SNRPN: variants seen among roughly 807,000 people sequenced by gnomAD.
SNRPN encodes the protein small nuclear ribonucleoprotein-associated protein N.
Under a neutral mutation model 25.2 loss-of-function variants are expected in SNRPN, and 7 were observed. The ratio of observed to expected loss-of-function variants is 0.28; its 90% confidence interval spans 0.16 to 0.52. The LOEUF (loss-of-function observed/expected upper bound fraction) is 0.52. SNRPN is among the 20% of genes least tolerant of loss of function. The pLI, the probability that SNRPN is intolerant of heterozygous loss-of-function variation, is 0.96. For missense variants in SNRPN, 196 were observed against 322.5 expected (o/e 0.61, Z 3.00); for synonymous variants, 124 against 110.6 (o/e 1.12, Z -0.76).
intron 1 of SNRPN, among the ~76,000 whole-genome samples, chr15:24,868,009 G>A (rs780782873): frequency 6.7e-4 from 101 of 151,452 alleles, no homozygotes; most frequent in Middle Eastern, 6.8e-3. Context: ...TCATATTTTA[G>A]TTGATATAAC....
chr15:24,945,060 A>G (rs2061790304), intron 3 of SNRPN, among the ~76,000 whole-genome samples: 1 of 152,160 alleles, frequency 6.6e-6, no homozygotes, highest in Admixed American at 6.5e-5. Context: ...GTTTGACCAA[A>G]TATCTGGGTA....
At chr15:24,950,502 A>C (rs1449501420), upstream of SNRPN, among the ~76,000 whole-genome samples, 2 of 151,330 alleles carry the variant, frequency 1.3e-5, no homozygotes. Context: ...GCTGCTATGA[A>C]AATGCATATA....
At position 24,825,968 on chromosome 15, in the gene SNRPN, G is replaced by T. The variant is rs572246284; in HGVS notation, c.-687+2118G>T. ...GGAAATTCAGGTTTGGGTCAAGGGG[G>T]AGGGGTTCAACCTACTTATACATAT... On this transcript the variant is annotated intron_variant, in intron 1 of 12. Coordinates refer to the SNRPN transcript ENST00000400100. 1.3e-4 allele frequency among the ~76,000 whole-genome samples: 20 copies of T among 152,150 alleles called. 1 individual carries two copies. Among genetic ancestry groups the T allele is most frequent in the African/African-American group, 4.6e-4 (19 of 41,460 alleles).
upstream of SNRPN, among the ~76,000 whole-genome samples, chr15:24,951,571 G>C (rs1165616895): frequency 6.6e-6 from 1 of 151,264 alleles, no homozygotes; most frequent in East Asian, 1.9e-4. Flanking sequence ...GCAGTGGCGT[G>C]ATCTGGGCTT....
In SNRPN at chr15:24,964,279, C is replaced by T. The variant is rs190857450; in HGVS notation, c.-295+2070C>T. Among the ~76,000 whole-genome samples the T allele has an allele frequency of 5.9e-5, 9 of 151,952 alleles. No homozygotes were observed. In the East Asian group the frequency reaches 9.7e-4, roughly 16 times the overall value. On this transcript the variant is annotated intron_variant, in intron 2 of 9. Transcript: ENST00000390687. The stretch of plus-strand genomic sequence containing the variant: ...TGTCCTTTATATATAATAGGTTATT[C>T]GATCATTCATTTTATTTGATATGAA...
chr15:24,902,828 G>C (rs1192163931), intron 2 of SNRPN, among the ~76,000 whole-genome samples: 1 of 152,206 alleles, frequency 6.6e-6, no homozygotes, highest in African/African-American at 2.4e-5. Context: ...TGGACCCAAA[G>C]AGTGAGCAGC....
At chr15:24,956,458 G>C in intron 1 of SNRPN, among the ~76,000 whole-genome samples, 1 of 152,054 alleles carries the variant, frequency 6.6e-6, no homozygotes, top group East Asian at 1.9e-4. Flanking sequence ...CCCTCTTTAG[G>C]GTGCAGTGGT....
At position 24,977,762 on chromosome 15, in the gene SNRPN, C is replaced by G; in HGVS notation, c.421-16C>G. On this transcript the variant is annotated splice_polypyrimidine_tract_variant and intron_variant, in intron 7 of 9. Coordinates refer to ENST00000390687, the MANE Select transcript of SNRPN (RefSeq NM_003097.6). The stretch of plus-strand genomic sequence containing the variant: ...GGTTTGCATCGCTTTGACTGTTTCC[C>G]GCCCTGCCTTCTCAGGTAATGACTC... 1 of 1,578,324 alleles carries G rather than the reference C, an allele frequency of 6.3e-7. No homozygotes were observed. The highest frequency in any genetic ancestry group is 8.6e-7 in the Non-Finnish European group (1 of 1,165,334).
rs373215950 is a variant in SNRPN, at chr15:24,976,332, T to C, written c.183T>C (p.Arg61=). The change falls in exon 6 of 10, where the codon CGT becomes CGC. Residue 61 remains arginine, a synonymous_variant. Transcript: ENST00000390687. ...IKPKNAKQPE[R]EEKRVLGLVL... ...CAAAGAATGCGAAGCAACCAGAGCG[T>C]GAAGAAAAGCGGGTTTTGGGTCTGG... 518 of 1,613,450 alleles carry C rather than the reference T, an allele frequency of 3.2e-4. No homozygotes were observed. The highest frequency in any genetic ancestry group is 4.1e-4 in the Non-Finnish European group (484 of 1,179,922).
chr15:24,873,658 A>G (rs1319307567), intron 1 of SNRPN, among the ~76,000 whole-genome samples: 2 of 151,978 alleles, frequency 1.3e-5, no homozygotes, highest in Non-Finnish European at 2.9e-5. Flanking sequence ...CGTGTTAGCC[A>G]GGATGGTCTC....
chr15:24,935,230 C>A (rs1378022726), intron 3 of SNRPN, among the ~76,000 whole-genome samples: 1 of 151,866 alleles, frequency 6.6e-6, no homozygotes, highest in African/African-American at 2.4e-5. Flanking sequence ...CGAGATCATG[C>A]CGCTACACTC....
chr15:24,928,870 A>G (rs2060600261), intron 3 of SNRPN, among the ~76,000 whole-genome samples: 1 of 152,112 alleles, frequency 6.6e-6, no homozygotes, highest in Admixed American at 6.6e-5. Flanking sequence ...GGTCTCCCAA[A>G]GTGCTAGGAT....
In SNRPN at chr15:24,955,036, G is replaced by C. The variant is rs756341117; in HGVS notation, c.-417G>C. On this transcript the variant is annotated 5_prime_UTR_variant, in exon 1 of 10. Transcript: ENST00000390687. ...TGCCTGACGCATCTGTCTGAGGAGCGGTCAGTGACGCGATGGAGCGGGCAA... is the reference window on the plus strand; with the variant it reads ...TGCCTGACGCATCTGTCTGAGGAGCCGTCAGTGACGCGATGGAGCGGGCAA... 6.2e-7 allele frequency: 1 copy of C among 1,613,110 alleles called. No individual in the cohort carries two copies. The highest frequency in any genetic ancestry group is 1.1e-5 in the South Asian group (1 of 90,978).
intron 2 of SNRPN, among the ~76,000 whole-genome samples, chr15:24,847,908 G>A (rs955207580): frequency 1.3e-5 from 2 of 151,492 alleles, no homozygotes; most frequent in African/African-American, 4.9e-5. Flanking sequence ...TAAACCCTAA[G>A]TTGTTTGTGT....
intron 2 of SNRPN, among the ~76,000 whole-genome samples, chr15:24,838,167 T>C (rs1166913716): frequency 1.3e-5 from 2 of 151,880 alleles, no homozygotes; most frequent in African/African-American, 4.8e-5. Context: ...CCCAAGTAGC[T>C]GGGACTACAG....
At chr15:24,939,046 T>C (rs547443569) in intron 3 of SNRPN, among the ~76,000 whole-genome samples, 3 of 152,284 alleles carry the variant, frequency 2.0e-5, no homozygotes, top group African/African-American at 7.2e-5. Context: ...ATATAGTTAA[T>C]ATAATTGGCT....
At chr15:24,883,346 T>G (rs1376556718) in intron 1 of SNRPN, among the ~76,000 whole-genome samples, 2 of 152,130 alleles carry the variant, frequency 1.3e-5, no homozygotes, top group African/African-American at 4.8e-5. Context: ...GGCCAGAGCC[T>G]CGGGCTCACC....
At chr15:24,905,583 G>A (rs1055528610) in intron 2 of SNRPN, among the ~76,000 whole-genome samples, 2 of 151,812 alleles carry the variant, frequency 1.3e-5, no homozygotes, top group African/African-American at 2.4e-5. Context: ...GATGAGTTGC[G>A]TTTTGTTCAT....
In SNRPN at chr15:24,918,472, ATATATATAACATAATATATATGTGTG is replaced by A. The variant is rs1566908922; in HGVS notation, c.-504-1517_-504-1492del. On this transcript the variant is annotated intron_variant, in intron 2 of 11. Transcript: ENST00000400097. ...TATATATAACATAATATATATGTGT[ATATATATAACATAATATATATGTGTG>A]TATATATAACATAATATATATATGT... Among the ~76,000 whole-genome samples, 7 of 93,512 alleles carry A rather than the reference ATATATATAACATAATATATATGTGTG, an allele frequency of 7.5e-5. No homozygotes were observed. In the South Asian group the frequency reaches 1.4e-3, roughly 19 times the overall value. 61.3% of individuals were successfully genotyped at this position (93,512 alleles called of 152,430 possible).
Sources: allele counts gnomAD v4.1 joint callset (sites outside exome capture counted in the v4.1 genomes callset), GRCh38; gene constraint gnomAD v4.1.1; transcripts MANE v1.5; gene names NCBI Gene and HGNC (gene_info 2026-07-23, HGNC 2026-07-21).